The following CHD5 variants were observed in gnomAD, a reference collection of about 807,000 sequenced individuals.
CHD5 encodes the protein ATP-dependent chromatin remodeler CHD5.
A neutral mutation model predicts 230.3 loss-of-function variants in CHD5; 69 were observed. That is an observed-to-expected ratio of 0.30 (90% CI 0.25 to 0.37). CHD5 has a LOEUF of 0.37. Among genes scored for constraint, CHD5 ranks in the 10% least tolerant of loss-of-function variants. The pLI, the probability that CHD5 is intolerant of heterozygous loss-of-function variation, is 1.00. For synonymous variants in CHD5, 1,064 were observed against 1,065.9 expected (o/e 1.00, Z 0.03); for missense variants, 1,827 against 2,622.8 (o/e 0.70, Z 6.63).
chr1:6,138,914 G>A (rs1041653611), intron 15 of CHD5, among the ~76,000 whole-genome samples: 3 of 152,234 alleles, frequency 2.0e-5, no homozygotes, highest in Non-Finnish European at 2.9e-5. Context: ...CTATCCCTGT[G>A]ATGGGGGTTC....
chr1:6,150,586 CTGGA>C (rs994590083), intron 7 of CHD5, among the ~76,000 whole-genome samples: 7 of 149,096 alleles, frequency 4.7e-5, no homozygotes, highest in African/African-American at 1.5e-4. Context: ...GGATGAATGG[CTGGA>C]TGGATGAAGG....
rs763445029 is a variant in CHD5, at chr1:6,142,654, G to T, written c.2044-49C>A. The T allele has an allele frequency of 5.8e-6, 9 of 1,554,984 alleles. No individual in the cohort carries two copies. Among genetic ancestry groups the T allele is most frequent in the Non-Finnish European group, 7.8e-6 (9 of 1,147,188 alleles). ...ACACGCCCCAGATCCTGGGCCACCA[G>T]AGTCCACACTACAGGCCTTTGCACA... On this transcript the variant is annotated intron_variant, in intron 13 of 41. Transcript: ENST00000262450. The surrounding 1 kb of genome is among the most constrained non-coding windows in gnomAD (Gnocchi z 5.2).
chr1:6,178,284 T>C (rs972783442), intron 1 of CHD5, among the ~76,000 whole-genome samples: 1 of 142,608 alleles, frequency 7.0e-6, no homozygotes, highest in Non-Finnish European at 1.5e-5. Context: ...GGGGGCACCT[T>C]CCCTGGCCTC....
rs117780546 is a variant in CHD5, at chr1:6,155,635, G to A, written c.470C>T (p.Thr157Met). ...DYLFSEEDYH[T>M]LTNYKAFSQF... Reference sequence around the variant, plus strand: ...GCTGAAGGCCTTGTAGTTGGTCAGCGTGTGGTAATCCTCCTCCGAGAACAG... The same window carrying A: ...GCTGAAGGCCTTGTAGTTGGTCAGCATGTGGTAATCCTCCTCCGAGAACAG... Residue 157 changes from threonine to methionine, a missense_variant, in exon 4 of 42, where the codon ACG (threonine) becomes ATG (methionine). By Grantham distance (81) the Thr-to-Met change is moderately conservative. Around this residue, in one of 14 missense-constraint regions of CHD5, gnomAD observed 657 missense variants for 816.4 expected, o/e 0.80. Transcript: ENST00000262450. This position sits in a 1 kb window ranked among gnomAD's most constrained non-coding sequence, Gnocchi z 4.0. 734 of 1,614,146 alleles carry A rather than the reference G, an allele frequency of 4.5e-4. 9 individuals are homozygous for A. The East Asian group carries it at 0.015, about 32-fold the overall frequency.
intron 31 of CHD5, among the ~76,000 whole-genome samples, chr1:6,123,310 G>T (rs917966094): frequency 1.1e-4 from 17 of 152,304 alleles, no homozygotes; most frequent in Non-Finnish European, 1.8e-4. Context: ...GGGGTGGGGG[G>T]ATAAGGAGTG....
chr1:6,148,194 T>G (rs977807313), intron 9 of CHD5, among the ~76,000 whole-genome samples: 2 of 152,096 alleles, frequency 1.3e-5, no homozygotes, highest in Admixed American at 1.3e-4. Context: ...GGGTGGAGGA[T>G]CTGGCACCAC....
rs1435363210 is a variant in CHD5 at position 6,130,024 on chromosome 1, G to A, written c.3387+180C>T. On this transcript the variant is annotated intron_variant, in intron 22 of 41. Coordinates refer to ENST00000262450, the MANE Select transcript of CHD5 (RefSeq NM_015557.3). This position sits in a 1 kb window ranked among gnomAD's most constrained non-coding sequence, Gnocchi z 4.9. ...GACAAGGACAGAGCTGGAGGGATGGGGGCCAAGCTTCCACTCACTCCCAGA... is the reference window on the plus strand; with the variant it reads ...GACAAGGACAGAGCTGGAGGGATGGAGGCCAAGCTTCCACTCACTCCCAGA... 1.5e-6 allele frequency: 1 copy of A among 689,298 alleles called. No homozygotes were observed. Among genetic ancestry groups the A allele is most frequent in the South Asian group, 1.8e-5 (1 of 56,790 alleles). The allele number at this position is 689,298 out of a possible 1,614,324, so 42.7% of individuals were successfully genotyped here. A position where few individuals can be genotyped will look rare whatever the true frequency, so the allele number is the denominator to read the frequency against.
At chr1:6,119,817 A>G (rs557395383) in intron 33 of CHD5, among the ~76,000 whole-genome samples, 1 of 150,256 alleles carries the variant, frequency 6.7e-6, no homozygotes, top group African/African-American at 2.4e-5. Context: ...ATATATACGT[A>G]TATATATACG....
chr1:6,143,244 C>G (rs139938444), intron 13 of CHD5, among the ~76,000 whole-genome samples: 30 of 152,128 alleles, frequency 2.0e-4, no homozygotes, highest in African/African-American at 7.2e-4. Flanking sequence ...GATCTCACTA[C>G]GTTGCCTCAA....
intron 2 of CHD5, among the ~76,000 whole-genome samples, chr1:6,166,728 C>A (rs1242976976): frequency 1.3e-5 from 2 of 152,050 alleles, no homozygotes; most frequent in African/African-American, 2.4e-5. Flanking sequence ...AAATGGGGCA[C>A]AGACCCGAGG....
chr1:6,178,348 G>A (rs1297440780), intron 1 of CHD5, among the ~76,000 whole-genome samples: 1 of 152,148 alleles, frequency 6.6e-6, no homozygotes, highest in Non-Finnish European at 1.5e-5. Context: ...CGGAGTGTAA[G>A]ATGGGAAAGA....
intron 15 of CHD5, among the ~76,000 whole-genome samples, chr1:6,137,425 C>T (rs1447023389): frequency 1.3e-5 from 2 of 152,146 alleles, no homozygotes; most frequent in Non-Finnish European, 2.9e-5. Flanking sequence ...GGGCTTATTA[C>T]TTTGTTTCCA....
intron 33 of CHD5, among the ~76,000 whole-genome samples, chr1:6,116,774 T>C (rs1440105415): frequency 6.6e-6 from 1 of 152,188 alleles, no homozygotes; most frequent in African/African-American, 2.4e-5. Flanking sequence ...CCCAAAAAAA[T>C]TGCTGAAAGC....
At position 6,106,633 on chromosome 1, in the gene CHD5, C is replaced by T. The variant is rs762439778; in HGVS notation, c.5725G>A (p.Asp1909Asn). Residue 1909 changes from aspartate to asparagine, a missense_variant, in exon 39 of 42, where the codon GAC (aspartate) becomes AAC (asparagine). By Grantham distance (23) the Asp-to-Asn change is conservative. Around this residue, in one of 14 missense-constraint regions of CHD5, gnomAD observed 208 missense variants for 302.0 expected, o/e 0.69. Transcript: ENST00000262450. ...ILSRLTNRAG[D>N]PTIQQGAFGS... ...AGCCTGACCTGCTGGATGGTGGGGT[C>T]CCCGGCGCGGTTGGTCAGGCGGCTC... is the stretch of plus-strand genomic sequence containing the variant. 6.3e-7 allele frequency: 1 copy of T among 1,582,714 alleles called. No individual in the cohort carries two copies. Among genetic ancestry groups the T allele is most frequent in the African/African-American group, 1.3e-5 (1 of 74,428 alleles).
In CHD5 at chr1:6,105,416, C is replaced by A. The variant is rs1281182874; in HGVS notation, c.*58G>T. 7 of 470,614 alleles carry A rather than the reference C, an allele frequency of 1.5e-5. No homozygotes were observed. The highest frequency in any genetic ancestry group is 1.1e-4 in the South Asian group (7 of 64,544). 29.2% of individuals were successfully genotyped at this position (470,614 alleles called of 1,614,324 possible). On this transcript the variant is annotated 3_prime_UTR_variant, in exon 42 of 42. Coordinates refer to ENST00000262450, the MANE Select transcript of CHD5 (RefSeq NM_015557.3). This position sits in a 1 kb window ranked among gnomAD's most constrained non-coding sequence, Gnocchi z 4.8. The stretch of plus-strand genomic sequence containing the variant: ...TCCCATGTGGGTCGGGCAGGTGGCC[C>A]GGCAGGCGTGGCTGCAAAACGCAAA...
In CHD5 at chr1:6,167,114, G is replaced by A. The variant is rs1667267981; in HGVS notation, c.207+1036C>T. On this transcript the variant is annotated intron_variant, in intron 2 of 41. Coordinates refer to ENST00000262450, the MANE Select transcript of CHD5 (RefSeq NM_015557.3). This position sits in a 1 kb window ranked among gnomAD's most constrained non-coding sequence, Gnocchi z 4.5. ...CTGCGCCTCACCAGCTACCTCCCTG[G>A]GCCTCTCACTTGCAAGGTGGGGCCA... 6.6e-6 allele frequency among the ~76,000 whole-genome samples: 1 copy of A among 152,156 alleles called. No homozygotes were observed.
At chr1:6,123,224 T>C (rs1418673524) in intron 31 of CHD5, among the ~76,000 whole-genome samples, 2 of 152,054 alleles carry the variant, frequency 1.3e-5, no homozygotes, top group Non-Finnish European at 2.9e-5. Context: ...CCACGCACTG[T>C]GCAGTGCCAT....
chr1:6,117,627 A>C (rs1397398817), intron 33 of CHD5, among the ~76,000 whole-genome samples: 1 of 152,248 alleles, frequency 6.6e-6, no homozygotes, highest in African/African-American at 2.4e-5. Flanking sequence ...TAGACAAAGG[A>C]TCTGAAAGGA....
intron 1 of CHD5, among the ~76,000 whole-genome samples, chr1:6,175,736 GGATA>G (rs142119963): frequency 0.07 from 10,673 of 151,454 alleles, 534 homozygotes; most frequent in East Asian, 0.16. Flanking sequence ...ATATACATAT[GGATA>G]GATAGGTGGA....
Sources: allele counts gnomAD v4.1 joint callset (sites outside exome capture counted in the v4.1 genomes callset), GRCh38; gene constraint gnomAD v4.1.1; regional missense constraint gnomAD v4.1.1; non-coding constraint Gnocchi (gnomAD v3.1); transcripts MANE v1.5; gene names NCBI Gene and HGNC (gene_info 2026-07-23, HGNC 2026-07-21).